Variants in PPP3CB observed in about 807,000 individuals in gnomAD.
The protein encoded by PPP3CB is serine/threonine-protein phosphatase 2B catalytic subunit beta isoform.
In PPP3CB, 8 loss-of-function variants were observed where a neutral mutation model predicts 66.4. That is an observed-to-expected ratio of 0.12 (90% CI 0.07 to 0.22). The LOEUF (loss-of-function observed/expected upper bound fraction) is 0.22, where lower values mean the gene tolerates loss of function less well. Among genes scored for constraint, PPP3CB ranks in the 10% least tolerant of loss-of-function variants. The pLI, the probability that PPP3CB is intolerant of heterozygous loss-of-function variation, is 1.00. For missense variants in PPP3CB, 319 were observed against 642.5 expected (o/e 0.50, Z 5.44); for synonymous variants, 208 against 221.2 (o/e 0.94, Z 0.53).
intron 1 of PPP3CB, among the ~76,000 whole-genome samples, chr10:73,495,099 A>G (rs1015679507): frequency 4.6e-5 from 7 of 152,008 alleles, no homozygotes; most frequent in African/African-American, 1.7e-4. Context: ...GGGAGGGGTA[A>G]CTCCTTTTGA....
At chr10:73,457,095 T>A (rs559338047) in intron 9 of PPP3CB, among the ~76,000 whole-genome samples, 16 of 151,726 alleles carry the variant, frequency 1.1e-4, no homozygotes, top group South Asian at 8.3e-4. Context: ...TGTATTTTTT[T>A]AAAAAATTAG....
At chr10:73,444,665 CAA>C (rs753148344) in intron 12 of PPP3CB, 58 bp downstream of exon 12, 4 of 1,608,226 alleles carry the variant, frequency 2.5e-6, no homozygotes, top group Non-Finnish European at 3.4e-6. Flanking sequence ...GAATTGTTAG[CAA>C]AAGAGTGAGG....
At chr10:73,468,602 T>C (rs1360252122) in intron 8 of PPP3CB, among the ~76,000 whole-genome samples, 1 of 152,234 alleles carries the variant, frequency 6.6e-6, no homozygotes, top group African/African-American at 2.4e-5. Context: ...TAAAATGTCT[T>C]GTAGATATAA....
intron 12 of PPP3CB, among the ~76,000 whole-genome samples, chr10:73,440,601 T>C (rs1365912400): frequency 6.6e-6 from 1 of 152,206 alleles, no homozygotes; most frequent in Non-Finnish European, 1.5e-5. Context: ...AGTACTGATG[T>C]TCCAAATACC....
intron 1 of PPP3CB, among the ~76,000 whole-genome samples, chr10:73,483,198 T>G (rs1286282807): frequency 6.6e-6 from 1 of 152,256 alleles, no homozygotes; most frequent in Non-Finnish European, 1.5e-5. Flanking sequence ...ATTTTTCAAC[T>G]CAAGGCACAC....
At chr10:73,469,077 A>G (rs1050746956) in intron 8 of PPP3CB, among the ~76,000 whole-genome samples, 1 of 152,176 alleles carries the variant, frequency 6.6e-6, no homozygotes, top group Non-Finnish European at 1.5e-5. Context: ...CTAAGTGCTA[A>G]AAAAAATCCA....
chr10:73,484,268 T>C (rs2056933795), intron 1 of PPP3CB, among the ~76,000 whole-genome samples: 1 of 152,174 alleles, frequency 6.6e-6, no homozygotes, highest in Non-Finnish European at 1.5e-5. Flanking sequence ...TTCAGCCAAC[T>C]ATTTCTACTT....
chr10:73,468,647 G>A (rs948558446), intron 8 of PPP3CB, among the ~76,000 whole-genome samples: 1 of 152,056 alleles, frequency 6.6e-6, no homozygotes, highest in African/African-American at 2.4e-5. Context: ...TTAATGAAAA[G>A]CACTGAAATG....
intron 8 of PPP3CB, among the ~76,000 whole-genome samples, chr10:73,469,761 C>T (rs1311122223): frequency 6.6e-6 from 1 of 152,186 alleles, no homozygotes; most frequent in East Asian, 1.9e-4. Context: ...TACACCATGA[C>T]CCTTATTTAG....
intron 11 of PPP3CB, 39 bp from the exon 12 acceptor site, chr10:73,444,861 A>G (rs773982498): frequency 1.3e-6 from 2 of 1,596,642 alleles, no homozygotes; most frequent in African/African-American, 2.7e-5. Context: ...GATACTTCCA[A>G]CAAGTACTTA....
chr10:73,464,552 G>A (rs995133322), intron 9 of PPP3CB, among the ~76,000 whole-genome samples: 1 of 152,166 alleles, frequency 6.6e-6, no homozygotes, highest in Admixed American at 6.5e-5. Context: ...TCCTGAAAAT[G>A]TTGTGAGTAC....
intron 1 of PPP3CB, among the ~76,000 whole-genome samples, chr10:73,490,772 T>C (rs1481778316): frequency 1.3e-5 from 2 of 151,892 alleles, no homozygotes; most frequent in African/African-American, 4.9e-5. Flanking sequence ...ACTCTTTTTC[T>C]CTCTCTCTTT....
chr10:73,468,957 T>C (rs908350061), intron 8 of PPP3CB, among the ~76,000 whole-genome samples: 2 of 152,140 alleles, frequency 1.3e-5, no homozygotes, highest in African/African-American at 2.4e-5. Flanking sequence ...ATTACAAACA[T>C]ACCCATACAA....
chr10:73,471,255 T>G, intron 5 of PPP3CB, 46 bp from the exon 6 acceptor site: 18 of 1,541,448 alleles, frequency 1.2e-5, no homozygotes, highest in Non-Finnish European at 1.6e-5. Flanking sequence ...CATCAAAAAG[T>G]AAGGATAAAA....
chr10:73,486,462 C>T (rs539231835), intron 1 of PPP3CB, among the ~76,000 whole-genome samples: 30 of 152,052 alleles, frequency 2.0e-4, no homozygotes, highest in African/African-American at 6.8e-4. Context: ...TGCACCACCA[C>T]GCCTGGCTAA....
chr10:73,443,250 AAG>A (rs60288220), intron 12 of PPP3CB, among the ~76,000 whole-genome samples: 1,700 of 136,092 alleles, frequency 0.012, 38 homozygotes, highest in African/African-American at 0.045. Flanking sequence ...GAGAGAGAGA[AAG>A]AGAGAGAGAG....
chr10:73,481,533 CT>C (rs2056878644), intron 1 of PPP3CB, among the ~76,000 whole-genome samples: 1 of 150,182 alleles, frequency 6.7e-6, no homozygotes, highest in Non-Finnish European at 1.5e-5. Context: ...TTTCCTGATG[CT>C]TTAGGGTCAT....
intron 9 of PPP3CB, 107 bp from the exon 10 acceptor site, chr10:73,454,596 G>T: frequency 1.6e-6 from 1 of 634,936 alleles, no homozygotes; most frequent in Non-Finnish European, 2.6e-6. Flanking sequence ...GCCCAAGAAA[G>T]CAAACACATT....
At chr10:73,466,525 G>C (rs1016319778) in intron 9 of PPP3CB, among the ~76,000 whole-genome samples, 1 of 152,184 alleles carries the variant, frequency 6.6e-6, no homozygotes, top group African/African-American at 2.4e-5. Context: ...ATAGAAGGTT[G>C]TAAGTGTAAT....
Sources: allele counts gnomAD v4.1 joint callset (sites outside exome capture counted in the v4.1 genomes callset), GRCh38; gene constraint gnomAD v4.1.1; transcripts MANE v1.5; gene names NCBI Gene and HGNC (gene_info 2026-07-23, HGNC 2026-07-21).